CCDC158: variants seen among roughly 807,000 people sequenced by gnomAD.
CCDC158 encodes the protein coiled-coil domain-containing protein 158.
CCDC158 carries 116 observed loss-of-function variants against 138.6 expected under a neutral mutation model. The ratio of observed to expected loss-of-function variants is 0.84; its 90% CI spans 0.72 to 0.98. The LOEUF is 0.98. Ranked by LOEUF, CCDC158 falls within the 50% of genes least tolerant of loss-of-function variation. CCDC158 has a pLI of 0.00. For synonymous variants in CCDC158, 436 were observed against 442.4 expected (o/e 0.99, Z 0.18); for missense variants, 1,265 against 1,306.1 (o/e 0.97, Z 0.48).
Position 76,328,976 on chromosome 4 carries a change from A to G in CCDC158, c.2943-9T>C. 6.2e-7 allele frequency: 1 copy of G among 1,611,616 alleles called. No individual in the cohort carries two copies. The highest frequency in any genetic ancestry group is 8.5e-7 in the Non-Finnish European group (1 of 1,177,748). ...GTAATGTGACTGGCTCTCTGGAAGC[A>G]TAAGAATGGTAATGCAAGCATTCCA... is the stretch of plus-strand genomic sequence containing the variant. On this transcript the variant is annotated splice_polypyrimidine_tract_variant and intron_variant, in intron 21 of 24. Coordinates refer to ENST00000682701, the MANE Select transcript of CCDC158 (RefSeq NM_001394954.1).
At chr4:76,318,259 C>T (rs1053075234) in intron 24 of CCDC158, among the ~76,000 whole-genome samples, 1 of 151,718 alleles carries the variant, frequency 6.6e-6, no homozygotes, top group East Asian at 1.9e-4. Flanking sequence ...ATTATTAGAC[C>T]ATTAGTGAGA....
At position 76,369,570 on chromosome 4, in the gene CCDC158, C is replaced by T. The variant is rs928868298; in HGVS notation, c.1203G>A (p.Lys401=). ...TGCCTGTGTCTCGGTCCCACAGACG[C>T]TTATTCTGCTCCTTCTCCAGACTCA... is the stretch of plus-strand genomic sequence containing the variant. ...KELSLEKEQN[K]RLWDRDTGNS... is the part of the protein sequence containing the mutation. The change falls in exon 11 of 25, where the codon AAG becomes AAA. Residue 401 remains lysine, a synonymous_variant. Coordinates refer to ENST00000682701, the MANE Select transcript of CCDC158 (RefSeq NM_001394954.1). The T allele has an allele frequency of 1.9e-6, 3 of 1,614,054 alleles. No individual in the cohort carries two copies. The highest frequency in any genetic ancestry group is 2.7e-5 in the African/African-American group (2 of 74,914).
intron 10 of CCDC158, among the ~76,000 whole-genome samples, chr4:76,370,885 T>C (rs1326556695): frequency 6.6e-6 from 1 of 152,114 alleles, no homozygotes; most frequent in Non-Finnish European, 1.5e-5. Context: ...TTCCCTGGAA[T>C]GGGGTTTGGT....
intron 24 of CCDC158, among the ~76,000 whole-genome samples, chr4:76,320,874 C>T (rs1719928932): frequency 6.6e-6 from 1 of 152,032 alleles, no homozygotes; most frequent in Admixed American, 6.6e-5. Context: ...GACCAAGAAC[C>T]CAAAAGCAAA....
chr4:76,355,328 T>C lies in CCDC158; in HGVS notation c.2282A>G (p.Asn761Ser). The C allele has an allele frequency of 6.2e-7, 1 of 1,607,336 alleles. No homozygotes were observed. Among genetic ancestry groups the C allele is most frequent in the South Asian group, 1.1e-5 (1 of 90,988 alleles). The part of the protein sequence containing the change: ...QFLEEAMTNA[N>S]KEKHFLKEEK... ...ACTCTGAGGACAGCAACCCACCTTATTTGCATTTGTCATTGCCTCTTCCAA... is the reference window on the plus strand; with the variant it reads ...ACTCTGAGGACAGCAACCCACCTTACTTGCATTTGTCATTGCCTCTTCCAA... Residue 761 changes from asparagine (N) to serine (S), a missense_variant, in exon 15 of 25, where the codon AAT (asparagine) becomes AGT (serine). Asn to Ser is a conservative substitution (Grantham distance 46, BLOSUM62 1). Transcript: ENST00000682701.
At chr4:76,369,688 C>T in intron 10 of CCDC158, 65 bp from the exon 11 acceptor site, 1 of 1,389,790 alleles carries the variant, frequency 7.2e-7, no homozygotes, top group East Asian at 2.4e-5. Context: ...AACATATTGT[C>T]TTTATATCAT....
At chr4:76,418,002 A>G (rs756226338) in intron 1 of CCDC158, among the ~76,000 whole-genome samples, 27 of 152,202 alleles carry the variant, frequency 1.8e-4, no homozygotes, top group Non-Finnish European at 3.5e-4. Context: ...TTCCTACACT[A>G]TCCTGAGAAG....
In CCDC158 at chr4:76,394,226, C is replaced by A. The variant is rs538656613; in HGVS notation, c.288+2043G>T. On this transcript the variant is annotated intron_variant, in intron 4 of 24. Coordinates refer to ENST00000682701, the MANE Select transcript of CCDC158 (RefSeq NM_001394954.1). The stretch of plus-strand genomic sequence containing the variant: ...CACAATAGCCAAGATTTGGAAGCAA[C>A]CTAAGTGTCTATCCACAGATGAATG... Among the ~76,000 whole-genome samples, 20 of 152,236 alleles carry A rather than the reference C, an allele frequency of 1.3e-4. No individual in the cohort carries two copies. In the South Asian group the frequency reaches 3.3e-3, roughly 25 times the overall value.
chr4:76,382,199 A>G (rs1016595744), intron 8 of CCDC158, among the ~76,000 whole-genome samples: 6 of 152,148 alleles, frequency 3.9e-5, no homozygotes, highest in African/African-American at 9.6e-5. Context: ...TTGCTTTGCC[A>G]TGGTATGATG....
At chr4:76,371,564 G>A (rs746052957) in intron 9 of CCDC158, 28 bp from the exon 10 acceptor site, 7 of 1,612,030 alleles carry the variant, frequency 4.3e-6, no homozygotes, top group South Asian at 2.2e-5. Flanking sequence ...ATTGAACAGT[G>A]TCTGATTATG....
At chr4:76,341,063 T>C (rs757637505) in intron 18 of CCDC158, among the ~76,000 whole-genome samples, 21 of 152,210 alleles carry the variant, frequency 1.4e-4, no homozygotes, top group South Asian at 4.1e-4. Context: ...TCCTATTACA[T>C]TGTGACTCTG....
chr4:76,362,864 C>G (rs1159517316), intron 12 of CCDC158, among the ~76,000 whole-genome samples: 1 of 152,164 alleles, frequency 6.6e-6, no homozygotes, highest in Non-Finnish European at 1.5e-5. Context: ...TTTAATATGT[C>G]AGGTAAGAGA....
intron 9 of CCDC158, 121 bp from the exon 10 acceptor site, chr4:76,371,657 G>T: frequency 8.3e-7 from 1 of 1,206,834 alleles, no homozygotes; most frequent in Non-Finnish European, 1.2e-6. Context: ...TCGTTGTGAG[G>T]CTGGGTGCAG....
chr4:76,335,958 G>A (rs1721445708), intron 18 of CCDC158, among the ~76,000 whole-genome samples: 1 of 151,706 alleles, frequency 6.6e-6, no homozygotes, highest in Non-Finnish European at 1.5e-5. Context: ...AAGGCAGGCA[G>A]ATCACGAGGT....
At chr4:76,357,326 C>A in intron 14 of CCDC158, 48 bp downstream of exon 14, 4 of 1,335,298 alleles carry the variant, frequency 3.0e-6, no homozygotes, top group Non-Finnish European at 4.0e-6. Flanking sequence ...AAATTTAGTC[C>A]ATTAAATTAA....
intron 15 of CCDC158, among the ~76,000 whole-genome samples, chr4:76,354,547 C>G (rs1463997677): frequency 6.6e-6 from 1 of 151,998 alleles, no homozygotes; most frequent in Non-Finnish European, 1.5e-5. Context: ...ATGGATATAC[C>G]AGAGAATATT....
rs1722390320 is a variant in CCDC158, at chr4:76,344,823, C to T, written c.2664+6173G>A. Reference sequence around the variant, plus strand: ...TGGTCCTCGAGAGAAGATGCAGAAACCGGGAGAGGGTGAAGGGTCTATGAC... The same window carrying T: ...TGGTCCTCGAGAGAAGATGCAGAAATCGGGAGAGGGTGAAGGGTCTATGAC... On this transcript the variant is annotated intron_variant, in intron 18 of 24. Transcript: ENST00000682701. 18 of 1,599,946 alleles carry T rather than the reference C, an allele frequency of 1.1e-5. No individual in the cohort carries two copies. In the Middle Eastern group the frequency reaches 4.9e-4, roughly 44 times the overall value.
intron 9 of CCDC158, among the ~76,000 whole-genome samples, chr4:76,372,471 C>T (rs79573521): frequency 0.029 from 4,475 of 152,180 alleles, 218 homozygotes; most frequent in African/African-American, 0.1. Flanking sequence ...ATGGCATAAA[C>T]AACATGCTGC....
intron 4 of CCDC158, among the ~76,000 whole-genome samples, chr4:76,395,417 T>C (rs1159321645): frequency 2.0e-5 from 3 of 152,160 alleles, no homozygotes; most frequent in Admixed American, 6.6e-5. Flanking sequence ...TAAAATTAGA[T>C]GTACTAAATA....
Sources: gnomAD v4.1 joint callset for allele counts (sites outside exome capture counted in the v4.1 genomes callset) on GRCh38, gnomAD v4.1.1 for gene constraint, MANE v1.5 for transcripts, NCBI Gene and HGNC (gene_info 2026-07-23, HGNC 2026-07-21) for gene names.